The following NUP153 variants were observed in gnomAD, a reference collection of about 807,000 sequenced individuals.
NUP153 encodes nucleoporin 153.
In NUP153, 27 loss-of-function variants were observed where a neutral mutation model predicts 134.6. The ratio of observed to expected loss-of-function variants is 0.20; its 90% confidence interval spans 0.15 to 0.28. The LOEUF is 0.28. Among genes scored for constraint, NUP153 ranks in the 10% least tolerant of loss-of-function variants. NUP153 has a pLI of 1.00. For synonymous variants in NUP153, 640 were observed against 623.5 expected, an observed-to-expected ratio of 1.03 and a Z score of -0.40; for missense variants, 1,821 against 1,731.3, an observed-to-expected ratio of 1.05 and a Z score of -0.92.
intron 11 of NUP153, among the ~76,000 whole-genome samples, chr6:17,657,084 C>T (rs1188968597): frequency 2.0e-5 from 3 of 152,138 alleles, no homozygotes; most frequent in Non-Finnish European, 4.4e-5. Context: ...CCTTCAGCTT[C>T]AGTTTTTAAA....
At chr6:17,623,357 C>CAAAAAAAAAAA (rs11326447) in intron 20 of NUP153, among the ~76,000 whole-genome samples, 1 of 81,958 alleles carries the variant, frequency 1.2e-5, no homozygotes, top group African/African-American at 4.7e-5. Flanking sequence ...GAAAAATGGC[C>CAAAAAAAAAAA]AAAAAAAAAA....
At chr6:17,626,365 C>G (rs184569292) in intron 18 of NUP153, among the ~76,000 whole-genome samples, 2,535 of 152,194 alleles carry the variant, frequency 0.017, 30 homozygotes, top group Middle Eastern at 0.037. Context: ...TCTTTTATAG[C>G]TTATGGATTT....
At chr6:17,616,498 T>C in intron 21 of NUP153, 29 bp downstream of exon 21, 3 of 1,579,182 alleles carry the variant, frequency 1.9e-6, no homozygotes, top group Non-Finnish European at 2.6e-6. Context: ...CCAATGTAAC[T>C]TCTCCATTTC....
rs867659585 is a variant in NUP153, at chr6:17,701,847, A to G, written c.111+4430T>C. On this transcript the variant is annotated intron_variant, in intron 1 of 21. Coordinates refer to ENST00000262077, the MANE Select transcript of NUP153 (RefSeq NM_005124.4). ...GACTCTGTCTCGGGGGGGGGGGGAA[A>G]AAAGCTAAATGCAGGAACTGACTTG... Among the ~76,000 whole-genome samples the G allele has an allele frequency of 9.3e-3, 723 of 77,966 alleles. 22 individuals carry two copies. Among genetic ancestry groups the G allele is most frequent in the Non-Finnish European group, 0.015 (508 of 33,728 alleles). The allele number at this position is 77,966 out of a possible 152,430, so 51.1% of individuals were successfully genotyped here.
chr6:17,619,206 A>G (rs1764511734), intron 20 of NUP153, among the ~76,000 whole-genome samples: 1 of 152,214 alleles, frequency 6.6e-6, no homozygotes, highest in African/African-American at 2.4e-5. Flanking sequence ...AATGCTTTCA[A>G]AATTATAAAA....
At chr6:17,641,987 C>T (rs989771241) in intron 14 of NUP153, among the ~76,000 whole-genome samples, 8 of 152,036 alleles carry the variant, frequency 5.3e-5, no homozygotes, top group Non-Finnish European at 1.2e-4. Flanking sequence ...TACTAATAAC[C>T]AAGTTTTTCT....
chr6:17,653,256 A>G lies in NUP153; in HGVS notation c.1396-3956T>C, dbSNP rs188407232. On this transcript the variant is annotated intron_variant, in intron 11 of 21. Transcript: ENST00000262077. ...CGACAGAGCGAGGCTCCATCTCAAAAAAAGAACTGAACAGACACCTCACAA... is the reference window on the plus strand; with the variant it reads ...CGACAGAGCGAGGCTCCATCTCAAAGAAAGAACTGAACAGACACCTCACAA... Among the ~76,000 whole-genome samples, 18 of 152,344 alleles carry G rather than the reference A, an allele frequency of 1.2e-4. No homozygotes were observed. The East Asian group carries it at 3.3e-3, about 28-fold the overall frequency.
chr6:17,691,970 A>G (rs1415976754), intron 1 of NUP153, among the ~76,000 whole-genome samples: 4 of 152,148 alleles, frequency 2.6e-5, no homozygotes, highest in Admixed American at 2.0e-4. Context: ...AGCTATAGCA[A>G]TTCTAGAATT....
Position 17,703,096 on chromosome 6 carries a change from G to A in NUP153, c.111+3181C>T, listed in dbSNP as rs542216434. Among the ~76,000 whole-genome samples, 6 of 147,654 alleles carry A rather than the reference G, an allele frequency of 4.1e-5. No homozygotes were observed. The East Asian group carries it at 1.2e-3, about 29-fold the overall frequency. On this transcript the variant is annotated intron_variant, in intron 1 of 21. Transcript: ENST00000262077. ...GCCTGTAATCCCAACTACTTGGGAG[G>A]CTGAGGCAAGAGAATGGAATGAACC...
intron 1 of NUP153, among the ~76,000 whole-genome samples, chr6:17,698,207 T>C (rs980750008): frequency 2.0e-5 from 3 of 152,164 alleles, no homozygotes; most frequent in Non-Finnish European, 1.5e-5. Flanking sequence ...CTTGGACTGA[T>C]TGGATAGGGT....
In NUP153 at chr6:17,618,635, A is replaced by G. The variant is rs1032274690; in HGVS notation, c.4175-1940T>C. 3.6e-4 allele frequency among the ~76,000 whole-genome samples: 53 copies of G among 148,678 alleles called. 1 individual carries two copies. The highest frequency in any genetic ancestry group is 1.1e-3 in the African/African-American group (43 of 40,004). The stretch of plus-strand genomic sequence containing the variant: ...GGCTGGAGTGCAGTGGCACGGTCTC[A>G]GCTCACTGCAAGCTCCACCTCCCGA... On this transcript the variant is annotated intron_variant, in intron 20 of 21. Coordinates refer to ENST00000262077, the MANE Select transcript of NUP153 (RefSeq NM_005124.4).
intron 20 of NUP153, among the ~76,000 whole-genome samples, chr6:17,620,081 G>A (rs1244946194): frequency 9.8e-6 from 1 of 102,006 alleles, no homozygotes; most frequent in Non-Finnish European, 1.8e-5. Flanking sequence ...CTGGGCAACA[G>A]AGCAAGACAC....
In NUP153 at chr6:17,653,177, T is replaced by C. The variant is rs1480917275; in HGVS notation, c.1396-3877A>G. ...CTGACACGGGAGAGTTGCTTGAACTTGGGAGGTGGAGGCTGCAGTGAGCCA... is the reference window on the plus strand; with the variant it reads ...CTGACACGGGAGAGTTGCTTGAACTCGGGAGGTGGAGGCTGCAGTGAGCCA... On this transcript the variant is annotated intron_variant, in intron 11 of 21. Coordinates refer to ENST00000262077, the MANE Select transcript of NUP153 (RefSeq NM_005124.4). Among the ~76,000 whole-genome samples the C allele has an allele frequency of 3.3e-5, 5 of 152,146 alleles. No individual in the cohort carries two copies. The South Asian group carries it at 8.3e-4, about 25-fold the overall frequency.
intron 20 of NUP153, among the ~76,000 whole-genome samples, chr6:17,618,781 T>C (rs578122559): frequency 1.8e-4 from 27 of 152,274 alleles, no homozygotes; most frequent in South Asian, 8.3e-4. Context: ...TTAGCCAGGA[T>C]GGTCTCGATA....
intron 11 of NUP153, chr6:17,651,950 C>T (rs957095276): frequency 1.4e-4 from 86 of 612,520 alleles, no homozygotes; most frequent in Admixed American, 8.5e-4. Context: ...TAAAAATTGG[C>T]GAGGTATGAT....
Position 17,632,639 on chromosome 6 carries a change from T to C in NUP153, c.2659+11A>G, listed in dbSNP as rs1309392977. On this transcript the variant is annotated intron_variant, in intron 17 of 21. Coordinates refer to ENST00000262077, the MANE Select transcript of NUP153 (RefSeq NM_005124.4). ...TTACCATCACCTTTATTTTTATTTTTTTGGCCTTACCTTTAAACCCAGATT... is the reference window on the plus strand; with the variant it reads ...TTACCATCACCTTTATTTTTATTTTCTTGGCCTTACCTTTAAACCCAGATT... 1 of 1,579,298 alleles carries C rather than the reference T, an allele frequency of 6.3e-7. No individual in the cohort carries two copies. Among genetic ancestry groups the C allele is most frequent in the African/African-American group, 1.4e-5 (1 of 73,040 alleles).
At chr6:17,624,208 G>A (rs1300462158) in intron 20 of NUP153, among the ~76,000 whole-genome samples, 1 of 152,122 alleles carries the variant, frequency 6.6e-6, no homozygotes, top group Non-Finnish European at 1.5e-5. Context: ...CTGGACCTGG[G>A]GGTAACTTCC....
In NUP153 at chr6:17,668,869, A is replaced by G. The variant is rs554160437; in HGVS notation, c.1068+106T>C. The G allele has an allele frequency of 4.0e-4, 309 of 771,004 alleles. 6 individuals carry two copies. The South Asian group carries it at 4.4e-3, about 11-fold the overall frequency. The allele number at this position is 771,004 out of a possible 1,614,324, so 47.8% of individuals were successfully genotyped here. Reference sequence around the variant, plus strand: ...AAAAAAAAAAGAATATTATTTTTCAAACATGTTCCCTAATGTCTAAACTAA... The same window carrying G: ...AAAAAAAAAAGAATATTATTTTTCAGACATGTTCCCTAATGTCTAAACTAA... On this transcript the variant is annotated intron_variant, in intron 8 of 21. Transcript: ENST00000262077.
intron 1 of NUP153, among the ~76,000 whole-genome samples, chr6:17,697,575 T>C (rs1459367870): frequency 6.6e-6 from 1 of 152,076 alleles, no homozygotes; most frequent in Non-Finnish European, 1.5e-5. Flanking sequence ...TAATCCCAGC[T>C]ACTTGAGAGG....
Sources: gnomAD v4.1 joint callset for allele counts (sites outside exome capture counted in the v4.1 genomes callset) on GRCh38, gnomAD v4.1.1 for gene constraint, MANE v1.5 for transcripts, NCBI Gene and HGNC (gene_info 2026-07-23, HGNC 2026-07-21) for gene names.